Variants in LRRTM4 observed in about 807,000 individuals in gnomAD.
LRRTM4 encodes leucine-rich repeat transmembrane neuronal protein 4.
A neutral mutation model predicts 47.6 loss-of-function variants in LRRTM4; 25 were observed. That is an observed-to-expected ratio of 0.53 (90% CI 0.38 to 0.73). The LOEUF (loss-of-function observed/expected upper bound fraction) is 0.73, where lower values mean the gene tolerates loss of function less well. Ranked by LOEUF, LRRTM4 falls within the 30% of genes least tolerant of loss-of-function variation. The pLI is 0.00. For synonymous variants in LRRTM4, 311 were observed against 269.5 expected, an observed-to-expected ratio of 1.15 and a Z score of -1.51; for missense variants, 638 against 713.4, an observed-to-expected ratio of 0.89 and a Z score of 1.20.
At chr2:76,866,269 G>C (rs368257527) in intron 3 of LRRTM4, among the ~76,000 whole-genome samples, 37 of 152,286 alleles carry the variant, frequency 2.4e-4, no homozygotes, top group African/African-American at 8.7e-4. Flanking sequence ...TTTCACTGGG[G>C]AACGATCTCA....
intron 3 of LRRTM4, among the ~76,000 whole-genome samples, chr2:77,511,748 T>C (rs1340366607): frequency 6.6e-6 from 1 of 152,050 alleles, no homozygotes; most frequent in Non-Finnish European, 1.5e-5. Flanking sequence ...ATTTTCACCA[T>C]TTTTAAATAT....
intron 3 of LRRTM4, among the ~76,000 whole-genome samples, chr2:76,911,210 T>G (rs1674043355): frequency 6.6e-6 from 1 of 152,168 alleles, no homozygotes; most frequent in Non-Finnish European, 1.5e-5. Flanking sequence ...AGGAAACCTT[T>G]GACAAGAATT....
intron 3 of LRRTM4, among the ~76,000 whole-genome samples, chr2:77,326,431 T>TAC (rs760334218): frequency 2.6e-5 from 4 of 152,190 alleles, no homozygotes; most frequent in Non-Finnish European, 5.9e-5. Flanking sequence ...TCTTGCTCTG[T>TAC]CTCCTAGGCT....
intron 3 of LRRTM4, among the ~76,000 whole-genome samples, chr2:77,442,072 T>C (rs1270117812): frequency 6.6e-6 from 1 of 152,138 alleles, no homozygotes; most frequent in Non-Finnish European, 1.5e-5. Context: ...CCAACGCTTT[T>C]GTTGTCCCTG....
chr2:77,247,393 A>G (rs1377651834), intron 3 of LRRTM4, among the ~76,000 whole-genome samples: 1 of 152,118 alleles, frequency 6.6e-6, no homozygotes, highest in Non-Finnish European at 1.5e-5. Context: ...TGACTTACTG[A>G]AACATTTTCT....
chr2:77,408,263 G>A (rs955059460), intron 3 of LRRTM4, among the ~76,000 whole-genome samples: 1 of 152,052 alleles, frequency 6.6e-6, no homozygotes, highest in East Asian at 1.9e-4. Flanking sequence ...TCCTGCCATG[G>A]TGCTCCCAAC....
chr2:76,971,266 A>G (rs968226130), intron 3 of LRRTM4, among the ~76,000 whole-genome samples: 1 of 150,222 alleles, frequency 6.7e-6, no homozygotes, highest in Non-Finnish European at 1.5e-5. Context: ...CCTTAGCCCC[A>G]TCTACCTAAA....
intron 3 of LRRTM4, among the ~76,000 whole-genome samples, chr2:76,907,591 A>G (rs1210133236): frequency 3.0e-4 from 41 of 137,262 alleles, no homozygotes; most frequent in Middle Eastern, 3.5e-3. Context: ...TTGATAGACC[A>G]CTAGCAAGAC....
chr2:76,918,136 CAAAAT>C (rs1674316426), intron 3 of LRRTM4, among the ~76,000 whole-genome samples: 2 of 152,164 alleles, frequency 1.3e-5, no homozygotes, highest in African/African-American at 4.8e-5. Context: ...ATTATGTTAA[CAAAAT>C]AAAGTACCAA....
At chr2:76,862,383 A>C (rs1672338778) in intron 3 of LRRTM4, among the ~76,000 whole-genome samples, 1 of 152,180 alleles carries the variant, frequency 6.6e-6, no homozygotes, top group Non-Finnish European at 1.5e-5. Flanking sequence ...TTTATTTGCT[A>C]ATTTTACCTA....
intron 3 of LRRTM4, among the ~76,000 whole-genome samples, chr2:77,207,146 A>ATC (rs1356610538): frequency 7.4e-6 from 1 of 134,450 alleles, no homozygotes; most frequent in Non-Finnish European, 1.5e-5. Context: ...TTATATTTAT[A>ATC]TATATATATA....
rs549906266 is a variant in LRRTM4, at chr2:76,770,589, G to C, written c.1552-21673C>G. On this transcript the variant is annotated intron_variant, in intron 3 of 3. Coordinates refer to ENST00000409884, the MANE Select transcript of LRRTM4 (RefSeq NM_001134745.3). ...GATGAAAAGGCCAGTATTTTTGCTTGTTTCTTTCTGGTTTGGAGGTCATTT... is the reference window on the plus strand; with the variant it reads ...GATGAAAAGGCCAGTATTTTTGCTTCTTTCTTTCTGGTTTGGAGGTCATTT... Among the ~76,000 whole-genome samples, 9 of 152,250 alleles carry C rather than the reference G, an allele frequency of 5.9e-5. No individual in the cohort carries two copies. In the South Asian group the frequency reaches 1.0e-3, roughly 18 times the overall value.
At chr2:76,964,253 T>TA (rs78397004) in intron 3 of LRRTM4, among the ~76,000 whole-genome samples, 7,982 of 150,946 alleles carry the variant, frequency 0.053, 483 homozygotes, top group East Asian at 0.14. Context: ...TTTTAAGCAA[T>TA]AAAAAAATCA....
rs1193814359 is a variant in LRRTM4, at chr2:77,420,881, A to T, written c.1551+97437T>A. 4.1e-5 allele frequency among the ~76,000 whole-genome samples: 6 copies of T among 146,310 alleles called. No individual in the cohort carries two copies. In the Admixed American group the frequency reaches 4.1e-4, roughly 10 times the overall value. ...GACAAAATGGGAATATATATATATA[A>T]TATATAATATATTAGCCTTAAGACT... On this transcript the variant is annotated intron_variant, in intron 3 of 3. Transcript: ENST00000409884.
intron 3 of LRRTM4, among the ~76,000 whole-genome samples, chr2:77,432,602 C>T (rs1181169688): frequency 2.0e-5 from 3 of 152,170 alleles, no homozygotes; most frequent in African/African-American, 7.2e-5. Context: ...TCTAATTACA[C>T]AGATAAAGAG....
chr2:76,880,199 G>T (rs1672890684), intron 3 of LRRTM4, among the ~76,000 whole-genome samples: 1 of 152,178 alleles, frequency 6.6e-6, no homozygotes, highest in South Asian at 2.1e-4. Context: ...TGAAATGCGG[G>T]TACAGCATCA....
intron 3 of LRRTM4, among the ~76,000 whole-genome samples, chr2:77,368,769 G>GTATC (rs1482531744): frequency 6.6e-6 from 1 of 151,696 alleles, no homozygotes; most frequent in Non-Finnish European, 1.5e-5. Context: ...AGATATCCAC[G>GTATC]TATCGGCTGT....
intron 3 of LRRTM4, among the ~76,000 whole-genome samples, chr2:77,354,875 C>A (rs573859894): frequency 2.6e-5 from 4 of 152,256 alleles, no homozygotes; most frequent in Non-Finnish European, 5.9e-5. Flanking sequence ...CTGGGTGGTA[C>A]ACAAAGCCCA....
intron 3 of LRRTM4, among the ~76,000 whole-genome samples, chr2:76,979,249 T>C (rs1219955403): frequency 6.6e-6 from 1 of 151,998 alleles, no homozygotes; most frequent in African/African-American, 2.4e-5. Flanking sequence ...TGAGTAAGTG[T>C]ACACAAGAAC....
Sources: gnomAD v4.1 joint callset for allele counts (sites outside exome capture counted in the v4.1 genomes callset) on GRCh38, gnomAD v4.1.1 for gene constraint, MANE v1.5 for transcripts, NCBI Gene and HGNC (gene_info 2026-07-23, HGNC 2026-07-21) for gene names.